The following CPVL variants were observed in gnomAD, a reference collection of about 807,000 sequenced individuals.
CPVL encodes probable serine carboxypeptidase CPVL.
Under a neutral mutation model 63.7 loss-of-function variants are expected in CPVL, and 51 were observed. The ratio of observed to expected loss-of-function variants is 0.80; its 90% confidence interval spans 0.64 to 1.01. CPVL has a LOEUF of 1.01. Ranked by LOEUF, CPVL falls within the 50% of genes least tolerant of loss-of-function variation. The probability of loss-of-function intolerance (pLI) is 0.00; values close to 1 mark genes in which losing one functional copy is unlikely to be tolerated. For synonymous variants in CPVL, 195 were observed against 206.0 expected (o/e 0.95, Z 0.46); for missense variants, 530 against 573.1 (o/e 0.92, Z 0.77).
chr7:29,073,789 G>C (rs1412144231), intron 7 of CPVL, among the ~76,000 whole-genome samples: 1 of 152,124 alleles, frequency 6.6e-6, no homozygotes, highest in Admixed American at 6.6e-5. Context: ...AGGGACATTT[G>C]TCTGTTTTGT....
exon 2 of CPVL, chr7:29,186,530 G>T (rs950693322): frequency 6.6e-6 from 1 of 151,818 alleles, no homozygotes; most frequent in Non-Finnish European, 1.5e-5. Context: ...AGCTGTGATC[G>T]TGTCACTGTA....
At chr7:29,081,037 G>A (rs753071510) in intron 7 of CPVL, among the ~76,000 whole-genome samples, 13 of 152,166 alleles carry the variant, frequency 8.5e-5, no homozygotes, top group East Asian at 1.9e-4. Flanking sequence ...TCCCTTGAGC[G>A]GCACATAAAG....
At chr7:29,149,983 T>C (rs540290321), upstream of CPVL, among the ~76,000 whole-genome samples, 67 of 152,366 alleles carry the variant, frequency 4.4e-4, no homozygotes, top group African/African-American at 1.6e-3. Flanking sequence ...GCAATAGATA[T>C]TTTTAGCCCT....
intron 1 of CPVL, among the ~76,000 whole-genome samples, chr7:29,131,229 C>T (rs914908215): frequency 6.6e-5 from 10 of 152,010 alleles, no homozygotes; most frequent in Non-Finnish European, 1.5e-4. Context: ...CTATTGCCTA[C>T]TATAATTAGC....
Position 29,135,565 on chromosome 7 carries a change from C to T in CPVL, c.-11+10864G>A, listed in dbSNP as rs185366171. ...ATCAGGCTGGTCTCGAACTCCTGACCTCGTGATCCACCCACCTCAGCCTCC... is the reference window on the plus strand; with the variant it reads ...ATCAGGCTGGTCTCGAACTCCTGACTTCGTGATCCACCCACCTCAGCCTCC... On this transcript the variant is annotated intron_variant, in intron 1 of 12. Transcript: ENST00000265394. 3.5e-3 allele frequency among the ~76,000 whole-genome samples: 535 copies of T among 152,180 alleles called. 2 individuals carry two copies. Among genetic ancestry groups the T allele is most frequent in the Middle Eastern group, 0.017 (5 of 294 alleles).
intron 3 of CPVL, among the ~76,000 whole-genome samples, chr7:29,099,177 G>C (rs1312261102): frequency 1.3e-5 from 2 of 152,226 alleles, no homozygotes; most frequent in Non-Finnish European, 2.9e-5. Flanking sequence ...ATAAACCTCA[G>C]CTGTATAGTA....
At chr7:29,096,543 A>G (rs1261523339) in intron 3 of CPVL, 3 of 353,932 alleles carry the variant, frequency 8.5e-6, no homozygotes, top group Non-Finnish European at 1.6e-5. Flanking sequence ...GGGCATGGTT[A>G]TATATTTTTA....
At chr7:29,142,795 G>A (rs1792040977) in intron 1 of CPVL, among the ~76,000 whole-genome samples, 1 of 152,036 alleles carries the variant, frequency 6.6e-6, no homozygotes, top group Non-Finnish European at 1.5e-5. Flanking sequence ...CAAAGTGCTG[G>A]GATTACAAGC....
chr7:29,023,110 A>G lies in CPVL; in HGVS notation c.1320+7467T>C, dbSNP rs926759086. 5.3e-5 allele frequency among the ~76,000 whole-genome samples: 8 copies of G among 152,350 alleles called. No individual in the cohort carries two copies. The East Asian group carries it at 1.3e-3, about 26-fold the overall frequency. On this transcript the variant is annotated intron_variant, in intron 12 of 12. Transcript: ENST00000265394. ...TGCCATGCACACTGCCCAGGAGTTC[A>G]GTGATCCACTTGCCAGCCTGGCCTA...
At chr7:29,067,401 T>C (rs1783241721) in intron 9 of CPVL, among the ~76,000 whole-genome samples, 1 of 152,094 alleles carries the variant, frequency 6.6e-6, no homozygotes, top group Admixed American at 6.5e-5. Context: ...AGGCCCTGTC[T>C]GAGGACAGGA....
intron 12 of CPVL, among the ~76,000 whole-genome samples, chr7:29,029,058 C>T (rs1787772820): frequency 6.6e-6 from 1 of 151,596 alleles, no homozygotes; most frequent in African/African-American, 2.4e-5. Flanking sequence ...GGAAAAATCT[C>T]AGCATCACTA....
At chr7:29,169,843 T>C (rs1395899643) in intron 5 of CPVL, among the ~76,000 whole-genome samples, 5 of 149,998 alleles carry the variant, frequency 3.3e-5, no homozygotes, top group South Asian at 4.2e-4. Flanking sequence ...TATACACACA[T>C]ATATATAAGT....
At chr7:29,157,914 T>A (rs1794639558) in intron 5 of CPVL, among the ~76,000 whole-genome samples, 1 of 152,180 alleles carries the variant, frequency 6.6e-6, no homozygotes, top group Non-Finnish European at 1.5e-5. Flanking sequence ...CCTTTCATTT[T>A]ACTCTTCCTT....
At chr7:29,061,283 T>C (rs985565240) in intron 11 of CPVL, among the ~76,000 whole-genome samples, 1 of 151,966 alleles carries the variant, frequency 6.6e-6, no homozygotes, top group Non-Finnish European at 1.5e-5. Context: ...CATGGTGGCA[T>C]GTGCCTGTAA....
chr7:29,187,966 C>G (rs962013134), intron 1 of CPVL, among the ~76,000 whole-genome samples: 39 of 152,320 alleles, frequency 2.6e-4, no homozygotes, highest in African/African-American at 8.7e-4. Context: ...ACCAAAGTAT[C>G]TGTAGCTAAA....
chr7:29,049,468 G>T (rs1300707739), intron 11 of CPVL, among the ~76,000 whole-genome samples: 1 of 152,032 alleles, frequency 6.6e-6, no homozygotes, highest in Non-Finnish European at 1.5e-5. Context: ...AAATCAGGAA[G>T]AATTAGATAC....
rs754736545 is a variant in CPVL at position 29,072,392 on chromosome 7, G to A, written c.641C>T (p.Ala214Val). 2 of 1,614,030 alleles carry A rather than the reference G, an allele frequency of 1.2e-6. No homozygotes were observed. Among genetic ancestry groups the A allele is most frequent in the South Asian group, 1.1e-5 (1 of 91,066 alleles). ...AGGGTTGAGGGAATGGATGAGGTGTGCAATGGCTGGCACATATTTCCCTGC... is the reference window on the plus strand; with the variant it reads ...AGGGTTGAGGGAATGGATGAGGTGTACAATGGCTGGCACATATTTCCCTGC... ...SYAGKYVPAI[A>V]HLIHSLNPVR... The change falls in exon 8 of 13, where the codon GCA becomes GTA. Residue 214 changes from alanine to valine, a missense_variant. Ala to Val is a moderately conservative substitution (Grantham distance 64). Coordinates refer to ENST00000265394, the MANE Select transcript of CPVL (RefSeq NM_031311.5).
In CPVL at chr7:29,032,463, A is replaced by G. The variant is rs1280092495; in HGVS notation, c.1138-1704T>C. ...TGAACTCCAGTAATAAAATATTTGC[A>G]TTGTTTATATAGAGAAATTACCTCA... On this transcript the variant is annotated intron_variant, in intron 11 of 12. Coordinates refer to ENST00000265394, the MANE Select transcript of CPVL (RefSeq NM_031311.5). 2.0e-5 allele frequency among the ~76,000 whole-genome samples: 3 copies of G among 152,312 alleles called. No individual in the cohort carries two copies. In the East Asian group the frequency reaches 5.8e-4, roughly 29 times the overall value.
At chr7:29,096,315 G>C (rs1786396522) in intron 3 of CPVL, 98 bp from the exon 4 acceptor site, 1 of 940,248 alleles carries the variant, frequency 1.1e-6, no homozygotes, top group African/African-American at 1.6e-5. Context: ...TGTGTTACAG[G>C]GCTGTGACTA....
Sources: gnomAD v4.1 joint callset for allele counts (sites outside exome capture counted in the v4.1 genomes callset) on GRCh38, gnomAD v4.1.1 for gene constraint, MANE v1.5 for transcripts, NCBI Gene and HGNC (gene_info 2026-07-23, HGNC 2026-07-21) for gene names.